SREK1: variants seen among roughly 807,000 people sequenced by gnomAD.
The protein encoded by SREK1 is splicing regulatory glutamine/lysine-rich protein 1.
SREK1 carries 13 observed loss-of-function variants against 66.5 expected under a neutral mutation model. The ratio of observed to expected loss-of-function variants is 0.20; its 90% CI spans 0.13 to 0.31. SREK1 has a LOEUF of 0.31. SREK1 is among the 10% of genes least tolerant of loss of function. The pLI is 1.00. For missense variants in SREK1, 607 were observed against 769.6 expected (o/e 0.79, Z 2.50); for synonymous variants, 265 against 263.5 (o/e 1.01, Z -0.05).
intron 7 of SREK1, chr5:66,167,610 G>A (rs539731303): frequency 6.6e-6 from 1 of 152,262 alleles, no homozygotes; most frequent in East Asian, 1.9e-4. Context: ...TAAGATTGAC[G>A]TGAAAATATT....
rs1746455978 is a variant in SREK1, at chr5:66,181,216, T to TA, written c.*2349dup. On this transcript the variant is annotated 3_prime_UTR_variant, in exon 12 of 12. Coordinates refer to ENST00000334121, the MANE Select transcript of SREK1 (RefSeq NM_001077199.3). ...GATCTGGAGGAACAAATCAGATTGT[T>TA]ATTAGGGTTTGACTTTTTTTTTACA... is the stretch of plus-strand genomic sequence containing the variant. 1.3e-5 allele frequency: 2 copies of TA among 152,210 alleles called. No homozygotes were observed. The highest frequency in any genetic ancestry group is 4.8e-5 in the African/African-American group (2 of 41,452). 9.4% of individuals were successfully genotyped at this position (152,210 alleles called of 1,614,324 possible).
chr5:66,157,737 G>A (rs1462031944), intron 2 of SREK1: 2 of 920,728 alleles, frequency 2.2e-6, no homozygotes, highest in Non-Finnish European at 2.6e-6. Context: ...GTTTTTGAAA[G>A]TAATAAAGTA....
intron 1 of SREK1, 48 bp downstream of exon 1, chr5:66,144,585 C>T (rs763644337): frequency 7.9e-6 from 12 of 1,514,876 alleles, no homozygotes; most frequent in African/African-American, 7.0e-5. Flanking sequence ...GCCATAGAGA[C>T]CTCGGGAGCC....
intron 1 of SREK1, among the ~76,000 whole-genome samples, chr5:66,147,757 TC>T (rs532896755): frequency 6.6e-6 from 1 of 152,312 alleles, no homozygotes; most frequent in South Asian, 2.1e-4. Context: ...TATCAAAGCT[TC>T]TCTCCATTTC....
intron 2 of SREK1, 51 bp from the exon 3 acceptor site, chr5:66,159,168 A>G (rs774401509): frequency 1.9e-6 from 3 of 1,567,906 alleles, no homozygotes; most frequent in Non-Finnish European, 2.6e-6. Flanking sequence ...CATAGTGTAA[A>G]GTTTGTGTGG....
rs762081848 is a variant in SREK1, at chr5:66,170,757, G to A, written c.1294G>A (p.Asp432Asn). 17 of 1,599,360 alleles carry A rather than the reference G, an allele frequency of 1.1e-5. No homozygotes were observed. Among genetic ancestry groups the A allele is most frequent in the Middle Eastern group, 1.7e-4 (1 of 6,016 alleles). The change falls in exon 9 of 12, where the codon GAC becomes AAC. Residue 432 changes from aspartate (D) to asparagine (N), a missense_variant. Physicochemically the swap from Asp to Asn is conservative, Grantham distance 23 (BLOSUM62 1). This residue lies in a region of SREK1 where 318 missense variants were observed against 310.3 expected (regional missense o/e 1.02). Coordinates refer to ENST00000334121, the MANE Select transcript of SREK1 (RefSeq NM_001077199.3). The part of the protein sequence containing the change: ...EKDREKDKEK[D>N]REREREKEHE... ...GGACCGGGAAAAAGACAAGGAAAAG[G>A]ACAGAGAGAGAGAACGGGAAAAAGA...
At chr5:66,156,820 A>G (rs1744323272) in intron 2 of SREK1, 21 of 985,262 alleles carry the variant, frequency 2.1e-5, no homozygotes, top group South Asian at 4.7e-5. Context: ...AAGTATTTGC[A>G]TGTAGGTTTT....
intron 9 of SREK1, among the ~76,000 whole-genome samples, chr5:66,173,821 G>A (rs1348038625): frequency 2.0e-5 from 3 of 152,214 alleles, no homozygotes; most frequent in Non-Finnish European, 4.4e-5. Flanking sequence ...TGTCATTGAT[G>A]TAATCAAATA....
chr5:66,180,044 A>G lies in SREK1; in HGVS notation c.*1176A>G, dbSNP rs1326731316. The G allele has an allele frequency of 1.3e-5, 2 of 152,580 alleles. No homozygotes were observed. Among genetic ancestry groups the G allele is most frequent in the Non-Finnish European group, 2.9e-5 (2 of 67,998 alleles). The allele number at this position is 152,580 out of a possible 1,614,324, so 9.5% of individuals were successfully genotyped here. On this transcript the variant is annotated 3_prime_UTR_variant, in exon 12 of 12. Transcript: ENST00000334121. ...ATTGAAGAAAACCCTTTAGTTGTCT[A>G]CATTGGATGGCCTTATTACCTCTCA...
rs940209449 is a variant in SREK1, at chr5:66,180,832, G to A, written c.*1964G>A. 10 of 152,446 alleles carry A rather than the reference G, an allele frequency of 6.6e-5. No homozygotes were observed. Among genetic ancestry groups the A allele is most frequent in the African/African-American group, 2.4e-4 (10 of 41,364 alleles). 9.4% of individuals were successfully genotyped at this position (152,446 alleles called of 1,614,324 possible). A position where few individuals can be genotyped will look rare whatever the true frequency, so the allele number is the denominator to read the frequency against. ...TATAAGTAGAAATAGAGCAAATGTT[G>A]GAATCTGTTATTTTTAGTACCATGT... is the stretch of plus-strand genomic sequence containing the variant. On this transcript the variant is annotated 3_prime_UTR_variant, in exon 12 of 12. Coordinates refer to ENST00000334121, the MANE Select transcript of SREK1 (RefSeq NM_001077199.3).
In SREK1 at chr5:66,151,627, G is replaced by A. The variant is rs200274560; in HGVS notation, c.162-1836G>A. Among the ~76,000 whole-genome samples, 22 of 152,234 alleles carry A rather than the reference G, an allele frequency of 1.4e-4. No individual in the cohort carries two copies. The East Asian group carries it at 3.7e-3, about 25-fold the overall frequency. On this transcript the variant is annotated intron_variant, in intron 1 of 11. Coordinates refer to ENST00000334121, the MANE Select transcript of SREK1 (RefSeq NM_001077199.3). ...AGGCACTTGTACCTGGGAGTCTAGA[G>A]CTCACAAGAGGCCTGAATTGGTGAT...
rs1209784638 is a variant in SREK1 at position 66,144,505 on chromosome 5, A to T, written c.129A>T (p.Gly43=). ...TGCGGACGCTTTTTTCCTTCCTAGGAGAAATCGAGGAGCTGCGGCTCTACC... is the reference window on the plus strand; with the variant it reads ...TGCGGACGCTTTTTTCCTTCCTAGGTGAAATCGAGGAGCTGCGGCTCTACC... ...EQMRTLFSFL[G]EIEELRLYPP... The change falls in exon 1 of 12, where the codon GGA becomes GGT. Residue 43 remains glycine, a synonymous_variant. Coordinates refer to ENST00000334121, the MANE Select transcript of SREK1 (RefSeq NM_001077199.3). The T allele has an allele frequency of 1.3e-6, 2 of 1,553,572 alleles. No homozygotes were observed. The highest frequency in any genetic ancestry group is 3.9e-5 in the Admixed American group (2 of 51,442).
At chr5:66,157,996 T>C (rs1744431784) in intron 2 of SREK1, 1 of 152,630 alleles carries the variant, frequency 6.6e-6, no homozygotes, top group South Asian at 2.1e-4. Context: ...CAGTTTAGCA[T>C]GATTTTGTGC....
At chr5:66,156,823 T>C (rs1455368043) in intron 2 of SREK1, 4 of 985,386 alleles carry the variant, frequency 4.1e-6, no homozygotes, top group Non-Finnish European at 4.8e-6. Context: ...TATTTGCATG[T>C]AGGTTTTTGT....
intron 3 of SREK1, among the ~76,000 whole-genome samples, chr5:66,160,030 C>T (rs1379862391): frequency 6.6e-6 from 1 of 151,708 alleles, no homozygotes; most frequent in Non-Finnish European, 1.5e-5. Flanking sequence ...CTCGGGAGGC[C>T]GAGGCTGGAG....
intron 5 of SREK1, chr5:66,162,800 G>C (rs1744875154): frequency 2.1e-6 from 1 of 475,068 alleles, no homozygotes; most frequent in Non-Finnish European, 3.6e-6. Flanking sequence ...CTCATTTTCT[G>C]TTTTCTAGGG....
intron 2 of SREK1, chr5:66,158,044 A>G (rs1744434983): frequency 6.6e-6 from 1 of 151,710 alleles, no homozygotes. Context: ...TTAATAATAG[A>G]AATGCTTTAC....
In SREK1 at chr5:66,180,553, T is replaced by G. The variant is rs542142241; in HGVS notation, c.*1685T>G. On this transcript the variant is annotated 3_prime_UTR_variant, in exon 12 of 12. Transcript: ENST00000334121. ...TTGTTGCAAGTAATGAAGCCTGATT[T>G]GATTATGAAGCTGCTTAATCACTCT... 5 of 152,760 alleles carry G rather than the reference T, an allele frequency of 3.3e-5. No individual in the cohort carries two copies. The highest frequency in any genetic ancestry group is 1.2e-4 in the African/African-American group (5 of 41,580). 9.5% of individuals were successfully genotyped at this position (152,760 alleles called of 1,614,324 possible).
intron 2 of SREK1, chr5:66,157,921 T>A (rs888769023): frequency 2.3e-5 from 4 of 176,918 alleles, no homozygotes; most frequent in African/African-American, 7.2e-5. Context: ...TGTGGTTGTT[T>A]TAAATATTTT....
Sources: allele counts gnomAD v4.1 joint callset (sites outside exome capture counted in the v4.1 genomes callset), GRCh38; gene constraint gnomAD v4.1.1; regional missense constraint gnomAD v4.1.1; transcripts MANE v1.5; gene names NCBI Gene and HGNC (gene_info 2026-07-23, HGNC 2026-07-21).